Variants in SEC31A observed in about 807,000 individuals in gnomAD.
SEC31A encodes the protein SEC31 homolog A, COPII component.
SEC31A carries 70 observed loss-of-function variants against 151.0 expected under a neutral mutation model. The observed-to-expected ratio is 0.46, with a 90% CI of 0.38 to 0.57. The LOEUF is 0.57. Ranked by LOEUF, SEC31A falls within the 20% of genes least tolerant of loss-of-function variation. The pLI is 0.00. For missense variants in SEC31A, 1,330 were observed against 1,471.2 expected (o/e 0.90, Z 1.57); for synonymous variants, 475 against 505.9 (o/e 0.94, Z 0.82).
intron 15 of SEC31A, 101 bp from the exon 16 acceptor site, chr4:82,857,231 G>A: frequency 2.2e-6 from 2 of 923,994 alleles, no homozygotes; most frequent in South Asian, 1.6e-5. Context: ...ATACATGAAT[G>A]GAGACCACAA....
chr4:82,891,898 G>T (rs1192908534), upstream of SEC31A, among the ~76,000 whole-genome samples: 1 of 152,198 alleles, frequency 6.6e-6, no homozygotes, highest in Non-Finnish European at 1.5e-5. Flanking sequence ...GAAGCCAAAG[G>T]AAAATCACTT....
chr4:82,891,054 G>T (rs1215635450), intron 1 of SEC31A, 34 bp downstream of exon 1: 1 of 1,535,786 alleles, frequency 6.5e-7, no homozygotes, highest in Admixed American at 2.0e-5. Context: ...CTTAAGGACC[G>T]GCGAAGAGGA....
At chr4:82,839,209 G>A (rs979522241) in intron 22 of SEC31A, among the ~76,000 whole-genome samples, 1 of 152,098 alleles carries the variant, frequency 6.6e-6, no homozygotes, top group African/African-American at 2.4e-5. Context: ...GGAGTGCAGT[G>A]GTGCGATCTC....
At chr4:82,876,990 C>A (rs1041020434) in intron 4 of SEC31A, among the ~76,000 whole-genome samples, 1 of 152,192 alleles carries the variant, frequency 6.6e-6, no homozygotes, top group African/African-American at 2.4e-5. Flanking sequence ...GTAGTCACAG[C>A]ACTTTGGGAG....
Position 82,851,102 on chromosome 4 carries a change from T to C in SEC31A, c.2328+329A>G, listed in dbSNP as rs1731352294. Among the ~76,000 whole-genome samples the C allele has an allele frequency of 2.6e-5, 4 of 152,178 alleles. No homozygotes were observed. In the South Asian group the frequency reaches 8.3e-4, roughly 31 times the overall value. On this transcript the variant is annotated intron_variant, in intron 19 of 26. Transcript: ENST00000395310. ...CATTAACATTTATAGCTTTTTGACA[T>C]AAAATATTCCTACAAAGAACTTTGT...
chr4:82,868,574 A>T (rs1735925500), intron 8 of SEC31A, among the ~76,000 whole-genome samples: 1 of 152,168 alleles, frequency 6.6e-6, no homozygotes, highest in African/African-American at 2.4e-5. Flanking sequence ...TCACAATGTA[A>T]TCCTTGTTGT....
intron 8 of SEC31A, among the ~76,000 whole-genome samples, chr4:82,868,394 G>T (rs116687360): frequency 0.043 from 6,520 of 152,062 alleles, 444 homozygotes; most frequent in African/African-American, 0.15. Context: ...CCTGTTAGCT[G>T]GGAGGCTGAG....
intron 1 of SEC31A, among the ~76,000 whole-genome samples, chr4:82,890,386 G>A (rs547448745): frequency 6.6e-6 from 1 of 152,114 alleles, no homozygotes; most frequent in East Asian, 1.9e-4. Flanking sequence ...TAGGAGAAAG[G>A]ATTTGTCACA....
chr4:82,864,452 A>G lies in SEC31A; in HGVS notation c.1344T>C (p.Ala448=). 6.2e-7 allele frequency: 1 copy of G among 1,614,208 alleles called. No homozygotes were observed. Among genetic ancestry groups the G allele is most frequent in the South Asian group, 1.1e-5 (1 of 91,082 alleles). ...FLSRSDQLQQ[A]VQSQGFINYC... Reference sequence around the variant, plus strand: ...AATTGATAAATCCTTGTGACTGCACAGCCTGCTGAAGTTGGTCTGATCGGC... The same window carrying G: ...AATTGATAAATCCTTGTGACTGCACGGCCTGCTGAAGTTGGTCTGATCGGC... Residue 448 remains alanine, a synonymous_variant, in exon 11 of 27, where the codon GCT becomes GCC. Coordinates refer to ENST00000395310, the MANE Select transcript of SEC31A (RefSeq NM_001077207.4).
At chr4:82,856,840 A>G (rs1732799123) in intron 16 of SEC31A, 112 bp downstream of exon 16, 8 of 872,922 alleles carry the variant, frequency 9.2e-6, no homozygotes, top group Non-Finnish European at 6.8e-6. Context: ...ATTATGAATG[A>G]GCTTTTAAAA....
intron 8 of SEC31A, among the ~76,000 whole-genome samples, 194 bp downstream of exon 8, chr4:82,870,131 C>T (rs570959526): frequency 6.6e-6 from 1 of 152,268 alleles, no homozygotes; most frequent in Admixed American, 6.5e-5. Context: ...ATTTGAATTA[C>T]TGATTTTTCT....
chr4:82,881,844 T>C lies in SEC31A; in HGVS notation c.79+14A>G. ...ATTAGGTAACTCATACTATCTTCTC[T>C]CCTTTGAACTTACCTGTTGCTAGGT... is the stretch of plus-strand genomic sequence containing the variant. On this transcript the variant is annotated intron_variant, in intron 2 of 26. Transcript: ENST00000395310. 3 of 1,601,956 alleles carry C rather than the reference T, an allele frequency of 1.9e-6. No individual in the cohort carries two copies. Among genetic ancestry groups the C allele is most frequent in the Non-Finnish European group, 2.6e-6 (3 of 1,168,850 alleles).
chr4:82,890,914 AGGCGTTGTTCCGCCG>A lies in SEC31A; in HGVS notation c.-5+159_-5+173del. 2.1e-6 allele frequency: 3 copies of A among 1,413,326 alleles called. No individual in the cohort carries two copies. In the South Asian group the frequency reaches 4.5e-5, roughly 21 times the overall value. 87.5% of individuals were successfully genotyped at this position (1,413,326 alleles called of 1,614,324 possible). A position where few individuals can be genotyped will look rare whatever the true frequency, so the allele number is the denominator to read the frequency against. On this transcript the variant is annotated intron_variant, in intron 1 of 26. Coordinates refer to ENST00000395310, the MANE Select transcript of SEC31A (RefSeq NM_001077207.4). ...GCGCGATCACTGGAGTCCAGATGCC[AGGCGTTGTTCCGCCG>A]GGCCCGAAACCAAGACTAGGGGCGC... is the stretch of plus-strand genomic sequence containing the variant.
At chr4:82,839,254 G>A (rs144436450) in intron 22 of SEC31A, among the ~76,000 whole-genome samples, 1,954 of 152,282 alleles carry the variant, frequency 0.013, 106 homozygotes, top group Admixed American at 0.096. Context: ...GGGTTCAAGC[G>A]GTTCTCTTGC....
At chr4:82,860,352 C>G (rs924742085) in intron 14 of SEC31A, among the ~76,000 whole-genome samples, 3 of 152,132 alleles carry the variant, frequency 2.0e-5, no homozygotes, top group Admixed American at 6.6e-5. Context: ...ATATTTCTTA[C>G]CTATTATTCA....
chr4:82,892,263 G>C (rs992310913), upstream of SEC31A, among the ~76,000 whole-genome samples: 1 of 152,228 alleles, frequency 6.6e-6, no homozygotes, highest in African/African-American at 2.4e-5. Context: ...TAGTCAAACT[G>C]ATTGGGATTT....
At chr4:82,870,024 T>C (rs1159647579) in intron 8 of SEC31A, among the ~76,000 whole-genome samples, 1 of 152,158 alleles carries the variant, frequency 6.6e-6, no homozygotes, top group Non-Finnish European at 1.5e-5. Flanking sequence ...CTGATTCCCA[T>C]AAACCACATG....
At chr4:82,884,966 G>A (rs941974553) in intron 1 of SEC31A, among the ~76,000 whole-genome samples, 2 of 152,020 alleles carry the variant, frequency 1.3e-5, no homozygotes, top group Non-Finnish European at 1.5e-5. Flanking sequence ...TGAAACTTTT[G>A]CTTTATGAAA....
intron 10 of SEC31A, among the ~76,000 whole-genome samples, chr4:82,866,315 A>G (rs1735381356): frequency 6.6e-6 from 1 of 152,162 alleles, no homozygotes; most frequent in Non-Finnish European, 1.5e-5. Flanking sequence ...TACTAAAAAT[A>G]CAAAAACCAG....
Sources: allele counts gnomAD v4.1 joint callset (sites outside exome capture counted in the v4.1 genomes callset), GRCh38; gene constraint gnomAD v4.1.1; transcripts MANE v1.5; gene names NCBI Gene and HGNC (gene_info 2026-07-23, HGNC 2026-07-21).